The following KANK1 variants were observed in gnomAD, a reference collection of about 807,000 sequenced individuals.
KANK1 encodes KN motif and ankyrin repeat domains 1.
Under a neutral mutation model 106.2 loss-of-function variants are expected in KANK1, and 109 were observed. That is an observed-to-expected ratio of 1.03 (90% CI 0.88 to 1.20). KANK1 has a LOEUF of 1.20. Ranked by LOEUF, KANK1 falls within the 50% of genes most tolerant of loss-of-function variation. KANK1 has a pLI of 0.00. For missense variants in KANK1, 2,399 were observed against 1,710.7 expected (o/e 1.40, Z -7.10); for synonymous variants, 873 against 652.2 (o/e 1.34, Z -5.16).
intron 1 of KANK1, among the ~76,000 whole-genome samples, chr9:525,350 CGTGTGTGTGT>C (rs35296364): frequency 2.3e-4 from 32 of 140,558 alleles, no homozygotes; most frequent in Admixed American, 9.2e-4. Context: ...TGTATACATA[CGTGTGTGTGT>C]GTGTGTGTGT....
At chr9:691,851 A>G (rs1180096935) in intron 2 of KANK1, among the ~76,000 whole-genome samples, 1 of 150,674 alleles carries the variant, frequency 6.6e-6, no homozygotes, top group Admixed American at 6.7e-5. Context: ...TCCTGGGCTC[A>G]AGTAATCCTC....
At chr9:665,880 G>C (rs938347329) in intron 1 of KANK1, among the ~76,000 whole-genome samples, 8 of 151,976 alleles carry the variant, frequency 5.3e-5, no homozygotes, top group Non-Finnish European at 1.0e-4. Context: ...CACAGCTTTG[G>C]TTAAATTGAT....
intron 3 of KANK1, among the ~76,000 whole-genome samples, chr9:490,936 A>C (rs1245366906): frequency 6.6e-6 from 1 of 150,378 alleles, no homozygotes; most frequent in Non-Finnish European, 1.5e-5. Flanking sequence ...CAAAGATGAG[A>C]CTATGTGAAG....
At chr9:743,020 G>T (rs774626769) in intron 10 of KANK1, among the ~76,000 whole-genome samples, 5 of 152,106 alleles carry the variant, frequency 3.3e-5, no homozygotes, top group Non-Finnish European at 7.4e-5. Context: ...CTCCTTGACC[G>T]GGAAACTCAA....
chr9:619,478 C>T (rs1433165085), intron 1 of KANK1, among the ~76,000 whole-genome samples: 2 of 152,092 alleles, frequency 1.3e-5, no homozygotes, highest in Admixed American at 6.6e-5. Context: ...ATTTTGAAAA[C>T]ATGGGAGTAT....
chr9:700,660 C>G (rs188708380), intron 2 of KANK1, among the ~76,000 whole-genome samples: 2 of 152,166 alleles, frequency 1.3e-5, no homozygotes, highest in Admixed American at 1.3e-4. Flanking sequence ...AGGACTGACT[C>G]AGCTCTTCAA....
At chr9:546,013 C>G (rs1346129380) in intron 1 of KANK1, among the ~76,000 whole-genome samples, 1 of 152,068 alleles carries the variant, frequency 6.6e-6, no homozygotes, top group East Asian at 1.9e-4. Context: ...CTCCAAAGTG[C>G]TGGGATTACA....
intron 1 of KANK1, among the ~76,000 whole-genome samples, chr9:637,470 A>C (rs1038011587): frequency 1.2e-4 from 18 of 152,214 alleles, no homozygotes; most frequent in Admixed American, 5.2e-4. Flanking sequence ...CATAAATTTT[A>C]GCATGCATCA....
intron 3 of KANK1, among the ~76,000 whole-genome samples, chr9:481,114 G>A (rs896896439): frequency 1.3e-5 from 2 of 152,190 alleles, no homozygotes; most frequent in Non-Finnish European, 1.5e-5. Flanking sequence ...ATAATAAAGT[G>A]TAGAATATCT....
At chr9:546,587 A>G (rs1345762916) in intron 1 of KANK1, among the ~76,000 whole-genome samples, 1 of 151,928 alleles carries the variant, frequency 6.6e-6, no homozygotes, top group Non-Finnish European at 1.5e-5. Flanking sequence ...CCTCTCTACC[A>G]TAGAACTCTT....
chr9:501,613 TACACACACAC>T (rs60211646), upstream of KANK1, among the ~76,000 whole-genome samples: 5 of 148,544 alleles, frequency 3.4e-5, no homozygotes, highest in East Asian at 2.0e-4. Context: ...CGCACAGACA[TACACACACAC>T]ACACACACAC....
intron 2 of KANK1, among the ~76,000 whole-genome samples, chr9:705,976 C>T (rs7864374): frequency 6.6e-6 from 1 of 151,718 alleles, no homozygotes; most frequent in East Asian, 1.9e-4. Context: ...AAAGTGTTTT[C>T]GTCTTGTTAA....
At position 713,109 on chromosome 9, in the gene KANK1, T is replaced by G. The variant is rs1826655521; in HGVS notation, c.2343T>G (p.Cys781Trp). Residue 781 changes from cysteine to tryptophan, a missense_variant, in exon 3 of 12, where the codon TGT (cysteine) becomes TGG (tryptophan). Transcript: ENST00000382297. ...LVGLKMRTIA[C>W]GPPQLTVGLT... ...GTCTCAAAATGAGGACTATAGCTTG[T>G]GGGCCACCACAGTTGACTGTGGGGC... 1 of 1,608,578 alleles carries G rather than the reference T, an allele frequency of 6.2e-7. No individual in the cohort carries two copies. Among genetic ancestry groups the G allele is most frequent in the Non-Finnish European group, 8.5e-7 (1 of 1,176,142 alleles).
At chr9:518,363 T>TC (rs2133119835) in intron 1 of KANK1, among the ~76,000 whole-genome samples, 1 of 151,640 alleles carries the variant, frequency 6.6e-6, no homozygotes, top group South Asian at 2.1e-4. Flanking sequence ...GGTTGTGTCA[T>TC]CCCGAGCCTC....
At chr9:623,419 GTC>G (rs1031019431) in intron 1 of KANK1, among the ~76,000 whole-genome samples, 9 of 151,868 alleles carry the variant, frequency 5.9e-5, no homozygotes, top group African/African-American at 2.2e-4. Context: ...GTGAACCCCT[GTC>G]TCTACAAGAA....
At chr9:525,765 G>A (rs1587507549) in intron 1 of KANK1, among the ~76,000 whole-genome samples, 1 of 151,500 alleles carries the variant, frequency 6.6e-6, no homozygotes, top group Non-Finnish European at 1.5e-5. Context: ...CTGTGATATA[G>A]GAGAATAAGC....
At position 710,615 on chromosome 9, in the gene KANK1, C is replaced by CAAAAAAAAAAAAAAAAAAAAAAAAA. The variant is rs1222306010; in HGVS notation, c.38-175_38-174insAAAAAAAAAAAAAAAAAAAAAAAAA. ...GCCTGGGTGACAGAATGACCTGTCT[C>CAAAAAAAAAAAAAAAAAAAAAAAAA]AAAAAAAAAAAAAACAAAAAAAAAC... On this transcript the variant is annotated intron_variant, in intron 2 of 11. Coordinates refer to ENST00000382297, the MANE Select transcript of KANK1 (RefSeq NM_015158.5). Among the ~76,000 whole-genome samples the CAAAAAAAAAAAAAAAAAAAAAAAAA allele has an allele frequency of 5.5e-5, 2 of 36,056 alleles. 1 individual carries two copies. The allele number at this position is 36,056 out of a possible 152,430, so 23.7% of individuals were successfully genotyped here. A position where few individuals can be genotyped will look rare whatever the true frequency, so the allele number is the denominator to read the frequency against.
At chr9:536,866 G>A (rs552257371) in intron 1 of KANK1, among the ~76,000 whole-genome samples, 6 of 152,106 alleles carry the variant, frequency 3.9e-5, no homozygotes, top group African/African-American at 9.7e-5. Flanking sequence ...CTCTTAGTTC[G>A]CAGTCGGCAC....
At chr9:523,672 C>T (rs1242503892) in intron 1 of KANK1, among the ~76,000 whole-genome samples, 1 of 151,704 alleles carries the variant, frequency 6.6e-6, no homozygotes, top group East Asian at 1.9e-4. Context: ...GGCCTTTGCA[C>T]TGGCTCCTTC....
Sources: gnomAD v4.1 joint callset for allele counts (sites outside exome capture counted in the v4.1 genomes callset) on GRCh38, gnomAD v4.1.1 for gene constraint, MANE v1.5 for transcripts, NCBI Gene and HGNC (gene_info 2026-07-23, HGNC 2026-07-21) for gene names.